The following PIEZO2 variants were observed in gnomAD, a reference collection of about 807,000 sequenced individuals.
PIEZO2 encodes piezo type mechanosensitive ion channel component 2.
Under a neutral mutation model 337.3 loss-of-function variants are expected in PIEZO2, and 172 were observed. The observed-to-expected ratio is 0.51, with a 90% CI of 0.45 to 0.58. The LOEUF (loss-of-function observed/expected upper bound fraction) is 0.58, where lower values mean the gene tolerates loss of function less well. Ranked by LOEUF, PIEZO2 falls within the 20% of genes least tolerant of loss-of-function variation. The pLI, the probability that PIEZO2 is intolerant of heterozygous loss-of-function variation, is 0.00. For synonymous variants in PIEZO2, 1,251 were observed against 1,228.5 expected, an observed-to-expected ratio of 1.02 and a Z score of -0.38; for missense variants, 3,028 against 3,391.3, an observed-to-expected ratio of 0.89 and a Z score of 2.66.
At position 10,872,349 on chromosome 18, in the gene PIEZO2, C is replaced by G. The variant is rs1365653285; in HGVS notation, c.330-934G>C. Among the ~76,000 whole-genome samples, 1 of 152,048 alleles carries G rather than the reference C, an allele frequency of 6.6e-6. No homozygotes were observed. The highest frequency in any genetic ancestry group is 2.4e-5 in the African/African-American group (1 of 41,382). ...AAGTGGAGAGTAGAAAGGGCTTCAA[C>G]TGGAAAAGGAGGAGAGATCTGTCTG... On this transcript the variant is annotated intron_variant, in intron 4 of 55. Transcript: ENST00000674853. The surrounding 1 kb of genome is among the most constrained non-coding windows in gnomAD (Gnocchi z 4.3).
At chr18:11,037,800 T>A (rs1235638562) in intron 2 of PIEZO2, among the ~76,000 whole-genome samples, 1 of 152,246 alleles carries the variant, frequency 6.6e-6, no homozygotes, top group Non-Finnish European at 1.5e-5. Context: ...TGTGGATTTC[T>A]TCCAGAATTA....
In PIEZO2 at chr18:10,746,550, A is replaced by T. The variant is rs890170695; in HGVS notation, c.4424+1921T>A. Among the ~76,000 whole-genome samples the T allele has an allele frequency of 6.6e-6, 1 of 152,066 alleles. No individual in the cohort carries two copies. Among genetic ancestry groups the T allele is most frequent in the Admixed American group, 6.6e-5 (1 of 15,266 alleles). On this transcript the variant is annotated intron_variant, in intron 30 of 55. Transcript: ENST00000674853. This position sits in a 1 kb window ranked among gnomAD's most constrained non-coding sequence, Gnocchi z 4.2. ...CCTCATGGCTCCCGGAGTGTCTCCT[A>T]CCATCACACCTGCTGTCGTCTGAAT... is the stretch of plus-strand genomic sequence containing the variant.
rs958026307 is a variant in PIEZO2, at chr18:11,080,776, G to A, written c.65-14554C>T. Among the ~76,000 whole-genome samples the A allele has an allele frequency of 1.3e-5, 2 of 152,128 alleles. No individual in the cohort carries two copies. The highest frequency in any genetic ancestry group is 1.9e-4 in the East Asian group (1 of 5,196). ...GGAGAATCGCTTGAACTCGGGAGGC[G>A]GAGGTCACGGTGAGCCAAGATGGTG... On this transcript the variant is annotated intron_variant, in intron 1 of 55. Transcript: ENST00000674853. This position sits in a 1 kb window ranked among gnomAD's most constrained non-coding sequence, Gnocchi z 5.4.
At chr18:10,811,441 A>T (rs1455985286) in intron 7 of PIEZO2, among the ~76,000 whole-genome samples, 1 of 152,192 alleles carries the variant, frequency 6.6e-6, no homozygotes, top group Admixed American at 6.5e-5. Flanking sequence ...TTTTAACTGA[A>T]TTAAATACAC....
intron 47 of PIEZO2, among the ~76,000 whole-genome samples, chr18:10,693,354 TTTTG>T (rs61521345): frequency 0.37 from 44,609 of 121,538 alleles, 7,048 homozygotes; most frequent in Non-Finnish European, 0.41. Context: ...CCAATCTGGA[TTTTG>T]TGTGTGTGTG....
At chr18:10,744,513 C>T (rs1476478925) in intron 30 of PIEZO2, among the ~76,000 whole-genome samples, 1 of 152,142 alleles carries the variant, frequency 6.6e-6, no homozygotes, top group Non-Finnish European at 1.5e-5. Context: ...GACATTGACA[C>T]CCACGAGCCT....
At chr18:10,984,278 G>T (rs1279756331) in intron 2 of PIEZO2, among the ~76,000 whole-genome samples, 2 of 151,988 alleles carry the variant, frequency 1.3e-5, no homozygotes, top group African/African-American at 2.4e-5. Flanking sequence ...AGCTGACAAA[G>T]AATTCAAAAT....
At position 11,148,612 on chromosome 18, in the gene PIEZO2, C is replaced by T. The variant is rs780428206; in HGVS notation, c.-24G>A. ...ATCGCGTCGGTCCGGCGAGTCGGAGCAGAGGGGCGAGGCTCGAGGGTCCCT... is the reference window on the plus strand; with the variant it reads ...ATCGCGTCGGTCCGGCGAGTCGGAGTAGAGGGGCGAGGCTCGAGGGTCCCT... On this transcript the variant is annotated 5_prime_UTR_variant, in exon 1 of 56. Coordinates refer to ENST00000674853, the MANE Select transcript of PIEZO2 (RefSeq NM_001378183.1). This position sits in a 1 kb window ranked among gnomAD's most constrained non-coding sequence, Gnocchi z 5.2. 30 of 1,536,640 alleles carry T rather than the reference C, an allele frequency of 2.0e-5. No individual in the cohort carries two copies. Among genetic ancestry groups the T allele is most frequent in the Non-Finnish European group, 2.6e-5 (30 of 1,146,806 alleles).
At chr18:10,741,396 A>T (rs1359325370) in intron 32 of PIEZO2, among the ~76,000 whole-genome samples, 1 of 152,244 alleles carries the variant, frequency 6.6e-6, no homozygotes, top group Non-Finnish European at 1.5e-5. Context: ...TACATCTCAC[A>T]TTGAATATTC....
Position 11,038,815 on chromosome 18 carries a change from T to G in PIEZO2, c.160+27312A>C, listed in dbSNP as rs2037013378. On this transcript the variant is annotated intron_variant, in intron 2 of 55. Transcript: ENST00000674853. This position sits in a 1 kb window ranked among gnomAD's most constrained non-coding sequence, Gnocchi z 4.1. ...TATAGGTATAACGGTGAGACACAAA[T>G]TAGATAACATATGAAACTTAAAAAA... Among the ~76,000 whole-genome samples the G allele has an allele frequency of 6.6e-6, 1 of 152,138 alleles. No individual in the cohort carries two copies. Among genetic ancestry groups the G allele is most frequent in the Admixed American group, 6.5e-5 (1 of 15,280 alleles).
intron 4 of PIEZO2, among the ~76,000 whole-genome samples, chr18:10,891,984 C>T (rs264225): frequency 0.64 from 96,628 of 152,024 alleles, 30,948 homozygotes; most frequent in East Asian, 0.78. Context: ...AGAAATGGGT[C>T]CGGTAAACAT....
In PIEZO2 at chr18:11,104,490, TGGGGCAGGGACGGCCTCC is replaced by T; in HGVS notation, c.65-38286_65-38269del. On this transcript the variant is annotated intron_variant, in intron 1 of 55. Transcript: ENST00000674853. The surrounding 1 kb of genome is among the most constrained non-coding windows in gnomAD (Gnocchi z 4.6). Reference sequence around the variant, plus strand: ...ACGCAGCTGCCCTTCTCTCTAGGGGTGGGGCAGGGACGGCCTCCTGGGCAGGAGAGAAAGCTGGCCTGG... The same window carrying T: ...ACGCAGCTGCCCTTCTCTCTAGGGGTTGGGCAGGAGAGAAAGCTGGCCTGG... Among the ~76,000 whole-genome samples the T allele has an allele frequency of 6.6e-6, 1 of 151,924 alleles. No homozygotes were observed. The highest frequency in any genetic ancestry group is 1.9e-4 in the East Asian group (1 of 5,160).
chr18:10,827,182 G>A (rs1188709552), intron 7 of PIEZO2, among the ~76,000 whole-genome samples: 4 of 152,106 alleles, frequency 2.6e-5, no homozygotes, highest in African/African-American at 9.7e-5. Flanking sequence ...ACAAGTTAAA[G>A]GAAGAAGGCT....
At position 10,789,210 on chromosome 18, in the gene PIEZO2, C is replaced by T; in HGVS notation, c.2038G>A (p.Val680Met). The change falls in exon 15 of 56, where the codon GTG (valine) becomes ATG (methionine). Residue 680 changes from valine to methionine, a missense_variant. Physicochemically the swap from Val to Met is conservative, Grantham distance 21 (BLOSUM62 1). Transcript: ENST00000674853. Reference protein sequence around the residue: ...DIMKVLGNLVVAMFIKYWIYV... With the variant: ...DIMKVLGNLVMAMFIKYWIYV... Reference sequence around the variant, plus strand: ...ATCCAGTACTTGATGAACATGGCCACCACCAGATTGCCCAGGACTTTCATG... The same window carrying T: ...ATCCAGTACTTGATGAACATGGCCATCACCAGATTGCCCAGGACTTTCATG... The T allele has an allele frequency of 1.3e-6, 2 of 1,537,304 alleles. No homozygotes were observed. Among genetic ancestry groups the T allele is most frequent in the Non-Finnish European group, 1.7e-6 (2 of 1,146,912 alleles).
intron 43 of PIEZO2, 32 bp downstream of exon 43, chr18:10,701,957 A>G: frequency 1.3e-6 from 2 of 1,490,098 alleles, no homozygotes; most frequent in East Asian, 2.5e-5. Flanking sequence ...AAGATGACCA[A>G]CTTGAACTGA....
intron 3 of PIEZO2, among the ~76,000 whole-genome samples, chr18:10,950,212 T>G (rs114099209): frequency 6.6e-6 from 1 of 152,202 alleles, no homozygotes; most frequent in Admixed American, 6.5e-5. Context: ...TTTTTTCATT[T>G]GCAAATTAGT....
rs563970182 is a variant in PIEZO2 at position 10,952,365 on chromosome 18, G to A, written c.286+27170C>T. Reference sequence around the variant, plus strand: ...CCATCAGCCCACCAAATTCTCCATGGTCATTGTAGTCAGCCACTCCCCTGA... The same window carrying A: ...CCATCAGCCCACCAAATTCTCCATGATCATTGTAGTCAGCCACTCCCCTGA... On this transcript the variant is annotated intron_variant, in intron 3 of 55. Coordinates refer to ENST00000674853, the MANE Select transcript of PIEZO2 (RefSeq NM_001378183.1). This position sits in a 1 kb window ranked among gnomAD's most constrained non-coding sequence, Gnocchi z 4.1. 1.3e-5 allele frequency among the ~76,000 whole-genome samples: 2 copies of A among 149,380 alleles called. No homozygotes were observed. Among genetic ancestry groups the A allele is most frequent in the African/African-American group, 5.1e-5 (2 of 39,198 alleles).
chr18:10,713,213 T>G lies in PIEZO2; in HGVS notation c.5423+1551A>C, dbSNP rs896037280. Among the ~76,000 whole-genome samples, 1 of 152,182 alleles carries G rather than the reference T, an allele frequency of 6.6e-6. No homozygotes were observed. Among genetic ancestry groups the G allele is most frequent in the African/African-American group, 2.4e-5 (1 of 41,440 alleles). ...GTATATATTTTACTGTGTATATATA[T>G]CACAAAGATCTTTTCATACCAATAA... On this transcript the variant is annotated intron_variant, in intron 39 of 55. Transcript: ENST00000674853. The surrounding 1 kb of genome is among the most constrained non-coding windows in gnomAD (Gnocchi z 4.5).
chr18:10,760,828 A>C (rs1379235180), intron 24 of PIEZO2, 83 bp downstream of exon 24: 1 of 1,152,874 alleles, frequency 8.7e-7, no homozygotes, highest in Non-Finnish European at 1.2e-6. Flanking sequence ...TGTATCACAA[A>C]GTTCCAGTGG....
Sources: gnomAD v4.1 joint callset for allele counts (sites outside exome capture counted in the v4.1 genomes callset) on GRCh38, gnomAD v4.1.1 for gene constraint, Gnocchi (gnomAD v3.1) non-coding constraint, MANE v1.5 for transcripts, NCBI Gene and HGNC (gene_info 2026-07-23, HGNC 2026-07-21) for gene names.